The following TRHDE variants were observed in gnomAD, a reference collection of about 807,000 sequenced individuals.
The protein encoded by TRHDE is thyrotropin-releasing hormone-degrading ectoenzyme.
A neutral mutation model predicts 125.7 loss-of-function variants in TRHDE; 72 were observed. The observed-to-expected ratio is 0.57, with a 90% CI of 0.47 to 0.70. The LOEUF is 0.70. Ranked by LOEUF, TRHDE falls within the 30% of genes least tolerant of loss-of-function variation. The pLI, the probability that TRHDE is intolerant of heterozygous loss-of-function variation, is 0.00. For synonymous variants in TRHDE, 509 were observed against 509.1 expected (o/e 1.00, Z 0.00); for missense variants, 1,110 against 1,327.1 (o/e 0.84, Z 2.54).
chr12:72,170,517 C>T (rs1037791179), intron 2 of TRHDE, among the ~76,000 whole-genome samples: 7 of 151,978 alleles, frequency 4.6e-5, no homozygotes, highest in Non-Finnish European at 7.4e-5. Flanking sequence ...CCTCATTGGT[C>T]TACTTTCTGG....
At chr12:72,269,372 T>G (rs1353244843), upstream of TRHDE, among the ~76,000 whole-genome samples, 1 of 152,172 alleles carries the variant, frequency 6.6e-6, no homozygotes, top group Non-Finnish European at 1.5e-5. Flanking sequence ...TTGTGTCCAT[T>G]CTATATTAAT....
chr12:72,590,002 C>T (rs1871603974), intron 12 of TRHDE, among the ~76,000 whole-genome samples: 1 of 151,542 alleles, frequency 6.6e-6, no homozygotes, highest in Non-Finnish European at 1.5e-5. Flanking sequence ...TTTTTCTTTT[C>T]AACATATGCA....
intron 3 of TRHDE, among the ~76,000 whole-genome samples, chr12:72,383,214 C>T (rs1055183326): frequency 1.3e-5 from 2 of 152,022 alleles, no homozygotes; most frequent in Non-Finnish European, 2.9e-5. Context: ...TAAGAACTGT[C>T]AGAGGCATGG....
chr12:72,649,122 A>AC (rs2136107280), intron 15 of TRHDE, among the ~76,000 whole-genome samples: 1 of 152,230 alleles, frequency 6.6e-6, no homozygotes, highest in African/African-American at 2.4e-5. Context: ...GAGGAATCAC[A>AC]CTTGCTAATT....
At chr12:72,203,385 G>A (rs967556929) in intron 2 of TRHDE, among the ~76,000 whole-genome samples, 2 of 152,120 alleles carry the variant, frequency 1.3e-5, no homozygotes, top group East Asian at 1.9e-4. Flanking sequence ...GGAGAATGGC[G>A]TGAGCCCAGG....
At chr12:72,300,845 G>T (rs980173268) in intron 2 of TRHDE, among the ~76,000 whole-genome samples, 1 of 151,954 alleles carries the variant, frequency 6.6e-6, no homozygotes, top group South Asian at 2.1e-4. Context: ...GCCTTTATTT[G>T]GGTGACAAAA....
At chr12:72,110,316 C>G (rs1424277993) in intron 2 of TRHDE, among the ~76,000 whole-genome samples, 1 of 152,064 alleles carries the variant, frequency 6.6e-6, no homozygotes, top group African/African-American at 2.4e-5. Flanking sequence ...ATTCCTACAA[C>G]AGTCAGGTGA....
Position 72,438,124 on chromosome 12 carries a change from G to A in TRHDE, c.1316-31634G>A, listed in dbSNP as rs1230218210. ...TGACAGGCTTTTCTTCTTTTATACG[G>A]CCGAATAGTATTTCATTGTGTATAT... On this transcript the variant is annotated intron_variant, in intron 3 of 18. Transcript: ENST00000261180. Among the ~76,000 whole-genome samples, 4 of 151,674 alleles carry A rather than the reference G, an allele frequency of 2.6e-5. No individual in the cohort carries two copies. In the East Asian group the frequency reaches 7.8e-4, roughly 29 times the overall value.
At chr12:72,201,306 T>C (rs1017079306) in intron 2 of TRHDE, among the ~76,000 whole-genome samples, 1 of 152,180 alleles carries the variant, frequency 6.6e-6, no homozygotes, top group South Asian at 2.1e-4. Context: ...CTTATACTTA[T>C]TATAGATTTT....
At chr12:72,609,440 C>A (rs1872560318) in intron 12 of TRHDE, among the ~76,000 whole-genome samples, 1 of 152,046 alleles carries the variant, frequency 6.6e-6, no homozygotes, top group African/African-American at 2.4e-5. Context: ...TTATTTCCTG[C>A]TCTTTTCTTT....
intron 5 of TRHDE, among the ~76,000 whole-genome samples, chr12:72,478,246 G>A (rs1169539947): frequency 6.6e-6 from 1 of 152,118 alleles, no homozygotes; most frequent in African/African-American, 2.4e-5. Context: ...AGGGCTTTTG[G>A]TCTTTTTGAT....
chr12:72,565,210 G>C (rs1281058069), intron 9 of TRHDE, among the ~76,000 whole-genome samples: 2 of 152,110 alleles, frequency 1.3e-5, no homozygotes, highest in Non-Finnish European at 2.9e-5. Context: ...AATGCAAACA[G>C]TTGATGGAGT....
intron 3 of TRHDE, among the ~76,000 whole-genome samples, chr12:72,415,707 C>T (rs1362331188): frequency 6.6e-6 from 1 of 151,910 alleles, no homozygotes; most frequent in African/African-American, 2.4e-5. Context: ...CACACTGTTG[C>T]AGATGATAGG....
rs1391237545 is a variant in TRHDE at position 72,463,315 on chromosome 12, C to T, written c.1316-6443C>T. Among the ~76,000 whole-genome samples the T allele has an allele frequency of 2.0e-5, 3 of 152,196 alleles. No individual in the cohort carries two copies. In the South Asian group the frequency reaches 6.2e-4, roughly 31 times the overall value. On this transcript the variant is annotated intron_variant, in intron 3 of 18. Coordinates refer to ENST00000261180, the MANE Select transcript of TRHDE (RefSeq NM_013381.3). ...TCAGGATTAAGGTTGAAGTCTGGGG[C>T]ATTCAGGTTCTGATCTTATTATAGA... is the stretch of plus-strand genomic sequence containing the variant.
intron 2 of TRHDE, among the ~76,000 whole-genome samples, chr12:72,310,170 A>C (rs1383562993): frequency 6.6e-6 from 1 of 152,196 alleles, no homozygotes; most frequent in Non-Finnish European, 1.5e-5. Flanking sequence ...GATCTTGTAC[A>C]AGTTACATAA....
At chr12:72,455,552 C>A (rs906260508) in intron 3 of TRHDE, among the ~76,000 whole-genome samples, 1 of 151,898 alleles carries the variant, frequency 6.6e-6, no homozygotes, top group Non-Finnish European at 1.5e-5. Context: ...AGTGCAGAAT[C>A]TTTAATGGAT....
intron 2 of TRHDE, among the ~76,000 whole-genome samples, chr12:72,239,333 G>T (rs962149060): frequency 6.6e-6 from 1 of 151,894 alleles, no homozygotes; most frequent in Non-Finnish European, 1.5e-5. Flanking sequence ...CCATTCTGTA[G>T]GTTGCCTGTT....
At chr12:72,464,428 G>T (rs1876272004) in intron 3 of TRHDE, among the ~76,000 whole-genome samples, 1 of 152,142 alleles carries the variant, frequency 6.6e-6, no homozygotes, top group African/African-American at 2.4e-5. Flanking sequence ...ATGACTCTTT[G>T]TTGCTGCATT....
At chr12:72,239,746 T>C (rs968022238) in intron 2 of TRHDE, among the ~76,000 whole-genome samples, 5 of 152,186 alleles carry the variant, frequency 3.3e-5, no homozygotes, top group African/African-American at 1.2e-4. Flanking sequence ...ACGAGATGTC[T>C]ATAAAATAGC....
Sources: gnomAD v4.1 joint callset for allele counts (sites outside exome capture counted in the v4.1 genomes callset) on GRCh38, gnomAD v4.1.1 for gene constraint, MANE v1.5 for transcripts, NCBI Gene and HGNC (gene_info 2026-07-23, HGNC 2026-07-21) for gene names.